Variants in ST6GALNAC3 observed in about 807,000 individuals in gnomAD.
The protein encoded by ST6GALNAC3 is ST6 N-acetylgalactosaminide alpha-2,6-sialyltransferase 3.
ST6GALNAC3 carries 25 observed loss-of-function variants against 32.7 expected under a neutral mutation model. That is an observed-to-expected ratio of 0.76 (90% CI 0.56 to 1.07). The LOEUF (loss-of-function observed/expected upper bound fraction) is 1.07. Among genes scored for constraint, ST6GALNAC3 ranks in the 50% least tolerant of loss-of-function variants. The pLI, the probability that ST6GALNAC3 is intolerant of heterozygous loss-of-function variation, is 0.00. For missense variants in ST6GALNAC3, 355 were observed against 382.4 expected (o/e 0.93, Z 0.60); for synonymous variants, 129 against 133.1 (o/e 0.97, Z 0.21).
intron 1 of ST6GALNAC3, among the ~76,000 whole-genome samples, chr1:76,110,461 G>C (rs898958929): frequency 8.5e-5 from 13 of 152,264 alleles, no homozygotes; most frequent in Non-Finnish European, 5.9e-5. Flanking sequence ...GACATTGTGA[G>C]CACAGTGTGT....
At chr1:76,604,176 C>T (rs927992031) in intron 3 of ST6GALNAC3, among the ~76,000 whole-genome samples, 8 of 152,088 alleles carry the variant, frequency 5.3e-5, no homozygotes, top group African/African-American at 1.9e-4. Flanking sequence ...TATAATGAAT[C>T]TGTCAGTTTA....
At chr1:76,478,247 T>C (rs1216074719) in intron 3 of ST6GALNAC3, among the ~76,000 whole-genome samples, 4 of 152,204 alleles carry the variant, frequency 2.6e-5, no homozygotes, top group Non-Finnish European at 4.4e-5. Context: ...TCTCAGCCTA[T>C]TTAGACTCAG....
intron 2 of ST6GALNAC3, among the ~76,000 whole-genome samples, chr1:76,317,391 G>A (rs576703420): frequency 6.6e-6 from 1 of 152,126 alleles, no homozygotes; most frequent in African/African-American, 2.4e-5. Context: ...ATGATAGGTG[G>A]TGAGTTCAGT....
intron 3 of ST6GALNAC3, among the ~76,000 whole-genome samples, chr1:76,529,294 G>A (rs903752383): frequency 5.9e-5 from 9 of 151,946 alleles, no homozygotes; most frequent in African/African-American, 1.5e-4. Context: ...TTCTTTAGTC[G>A]ACCAAGTATT....
chr1:76,489,782 A>G (rs546351384), intron 3 of ST6GALNAC3, among the ~76,000 whole-genome samples: 1 of 152,238 alleles, frequency 6.6e-6, no homozygotes, highest in Admixed American at 6.5e-5. Flanking sequence ...AAGAGGTGGG[A>G]GGGAAGAAAA....
chr1:76,123,473 G>T (rs1314961052), intron 1 of ST6GALNAC3, among the ~76,000 whole-genome samples: 2 of 151,878 alleles, frequency 1.3e-5, no homozygotes, highest in East Asian at 3.9e-4. Flanking sequence ...AGAATGGGAA[G>T]AGTAGGAAGC....
At chr1:76,500,383 A>T (rs1396966270) in intron 3 of ST6GALNAC3, among the ~76,000 whole-genome samples, 1 of 152,166 alleles carries the variant, frequency 6.6e-6, no homozygotes, top group Non-Finnish European at 1.5e-5. Context: ...TGGCAATTTT[A>T]TCACAAACTA....
In ST6GALNAC3 at chr1:76,074,779, C is replaced by T; in HGVS notation, c.-88C>T. The T allele has an allele frequency of 3.4e-6, 5 of 1,458,900 alleles. No individual in the cohort carries two copies. The highest frequency in any genetic ancestry group is 2.4e-5 in the South Asian group (2 of 81,746). 90.4% of individuals were successfully genotyped at this position (1,458,900 alleles called of 1,614,324 possible). Reference sequence around the variant, plus strand: ...GGGAATGTGGGCTGGAGAGGTCCTGCCGTGGTACCAGCCTCCAGCCTGCCC... The same window carrying T: ...GGGAATGTGGGCTGGAGAGGTCCTGTCGTGGTACCAGCCTCCAGCCTGCCC... On this transcript the variant is annotated 5_prime_UTR_variant, in exon 1 of 5. Coordinates refer to ENST00000328299, the MANE Select transcript of ST6GALNAC3 (RefSeq NM_152996.4).
chr1:76,187,482 C>T (rs1011841077), intron 1 of ST6GALNAC3, among the ~76,000 whole-genome samples: 1 of 152,098 alleles, frequency 6.6e-6, no homozygotes, highest in Non-Finnish European at 1.5e-5. Flanking sequence ...GATTATGTTA[C>T]TAGTGACTAA....
At chr1:76,419,066 CACAT>C (rs1429411166) in intron 3 of ST6GALNAC3, among the ~76,000 whole-genome samples, 1 of 151,886 alleles carries the variant, frequency 6.6e-6, no homozygotes, top group Non-Finnish European at 1.5e-5. Flanking sequence ...CACACACACA[CACAT>C]ATACAAATGC....
At chr1:76,488,261 G>A (rs1233164528) in intron 3 of ST6GALNAC3, among the ~76,000 whole-genome samples, 1 of 152,088 alleles carries the variant, frequency 6.6e-6, no homozygotes, top group Non-Finnish European at 1.5e-5. Context: ...TTAAAAGTGT[G>A]TGGCACCTCC....
chr1:76,121,414 G>A (rs1179871534), intron 1 of ST6GALNAC3, among the ~76,000 whole-genome samples: 1 of 152,118 alleles, frequency 6.6e-6, no homozygotes, highest in Non-Finnish European at 1.5e-5. Context: ...CTGTATAGCA[G>A]CACATTAAAA....
intron 3 of ST6GALNAC3, among the ~76,000 whole-genome samples, chr1:76,563,938 A>G (rs1292947651): frequency 2.0e-5 from 3 of 152,290 alleles, no homozygotes; most frequent in South Asian, 2.1e-4. Context: ...CCCATTATGT[A>G]CAAGAAGGAT....
chr1:76,495,424 A>G (rs944990609), intron 3 of ST6GALNAC3, among the ~76,000 whole-genome samples: 6 of 152,218 alleles, frequency 3.9e-5, no homozygotes, highest in Admixed American at 3.3e-4. Flanking sequence ...AGTTGCAAAA[A>G]GTGTCATGAC....
At chr1:76,410,715 A>G (rs1414553735) in intron 2 of ST6GALNAC3, among the ~76,000 whole-genome samples, 2 of 152,100 alleles carry the variant, frequency 1.3e-5, no homozygotes, top group Non-Finnish European at 2.9e-5. Flanking sequence ...ATGGTCTGTT[A>G]CAGTTGTATG....
At chr1:76,320,995 A>G (rs1174851273) in intron 2 of ST6GALNAC3, among the ~76,000 whole-genome samples, 1 of 151,976 alleles carries the variant, frequency 6.6e-6, no homozygotes, top group Non-Finnish European at 1.5e-5. Flanking sequence ...TTATATATAT[A>G]TATATATAGT....
chr1:76,565,088 C>A (rs568443325), intron 3 of ST6GALNAC3, among the ~76,000 whole-genome samples: 13 of 152,186 alleles, frequency 8.5e-5, no homozygotes, highest in Non-Finnish European at 1.6e-4. Context: ...GTCTCTCAGT[C>A]CGGTGTCCAA....
At chr1:76,528,054 T>C (rs549629741) in intron 3 of ST6GALNAC3, among the ~76,000 whole-genome samples, 18 of 152,300 alleles carry the variant, frequency 1.2e-4, no homozygotes, top group African/African-American at 4.8e-5. Context: ...AAGATCATTA[T>C]GTGTTAACAC....
chr1:76,095,960 C>T (rs1647124460), intron 1 of ST6GALNAC3, among the ~76,000 whole-genome samples: 1 of 152,126 alleles, frequency 6.6e-6, no homozygotes, highest in African/African-American at 2.4e-5. Context: ...AGCTGACAGT[C>T]ATTGGTTAAA....
Sources: gnomAD v4.1 joint callset for allele counts (sites outside exome capture counted in the v4.1 genomes callset) on GRCh38, gnomAD v4.1.1 for gene constraint, MANE v1.5 for transcripts, NCBI Gene and HGNC (gene_info 2026-07-23, HGNC 2026-07-21) for gene names.